The following EEFSEC variants were observed in gnomAD, a reference collection of about 807,000 sequenced individuals.
The protein encoded by EEFSEC is eukaryotic elongation factor, selenocysteine-tRNA specific.
EEFSEC carries 43 observed loss-of-function variants against 42.1 expected under a neutral mutation model. That is an observed-to-expected ratio of 1.02 (90% CI 0.80 to 1.32). The LOEUF (loss-of-function observed/expected upper bound fraction) is 1.32, where lower values mean the gene tolerates loss of function less well. Ranked by LOEUF, EEFSEC falls within the 40% of genes most tolerant of loss-of-function variation. The probability of loss-of-function intolerance (pLI) is 0.00; values close to 1 mark genes in which losing one functional copy is unlikely to be tolerated. For synonymous variants in EEFSEC, 354 were observed against 339.1 expected (o/e 1.04, Z -0.48); for missense variants, 745 against 803.6 (o/e 0.93, Z 0.88).
chr3:128,237,696 CTA>C (rs1019940739), intron 1 of EEFSEC, among the ~76,000 whole-genome samples: 2 of 152,202 alleles, frequency 1.3e-5, no homozygotes, highest in African/African-American at 4.8e-5. Context: ...TCCAACACCT[CTA>C]TTTGTCTGCT....
intron 6 of EEFSEC, among the ~76,000 whole-genome samples, chr3:128,392,635 G>C (rs1364574609): frequency 3.9e-5 from 6 of 152,220 alleles, no homozygotes; most frequent in Admixed American, 2.0e-4. Flanking sequence ...GCCCCACACA[G>C]AGCCAAACAA....
intron 4 of EEFSEC, among the ~76,000 whole-genome samples, chr3:128,279,955 G>A (rs916205913): frequency 3.3e-5 from 5 of 152,194 alleles, no homozygotes; most frequent in African/African-American, 4.8e-5. Flanking sequence ...TAAACCGTGC[G>A]ATACCACGTG....
intron 6 of EEFSEC, 46 bp downstream of exon 6, chr3:128,358,419 A>C (rs1208238483): frequency 6.2e-7 from 1 of 1,601,504 alleles, no homozygotes; most frequent in African/African-American, 1.3e-5. Flanking sequence ...CGTGCAGGGC[A>C]CAGAGAGATG....
At chr3:128,154,014 C>T in intron 1 of EEFSEC, 191 bp downstream of exon 1, 1 of 647,118 alleles carries the variant, frequency 1.5e-6, no homozygotes, top group African/African-American at 2.0e-5. Context: ...CTTTGAGATT[C>T]AGCTTTTCCC....
chr3:128,240,418 G>T (rs1008187998), intron 1 of EEFSEC, among the ~76,000 whole-genome samples: 1 of 152,192 alleles, frequency 6.6e-6, no homozygotes, highest in Non-Finnish European at 1.5e-5. Context: ...ACATATCCAA[G>T]CTTGGGGACC....
intron 1 of EEFSEC, among the ~76,000 whole-genome samples, chr3:128,175,102 C>T (rs770953846): frequency 2.6e-5 from 4 of 151,942 alleles, no homozygotes; most frequent in Non-Finnish European, 5.9e-5. Flanking sequence ...TCTCCTCCCC[C>T]TCTGCTCTAC....
At chr3:128,404,359 C>T (rs2068084651) in intron 6 of EEFSEC, among the ~76,000 whole-genome samples, 1 of 152,210 alleles carries the variant, frequency 6.6e-6, no homozygotes, top group Non-Finnish European at 1.5e-5. Flanking sequence ...ATAGACTTTC[C>T]GGCTCTGCCT....
intron 1 of EEFSEC, among the ~76,000 whole-genome samples, chr3:128,211,853 T>C (rs1320773918): frequency 4.8e-5 from 5 of 104,946 alleles, no homozygotes; most frequent in Admixed American, 9.4e-5. Flanking sequence ...CTTTTCTTTT[T>C]TTTTTTTTTT....
intron 4 of EEFSEC, among the ~76,000 whole-genome samples, chr3:128,328,857 G>A (rs2067093974): frequency 6.6e-6 from 1 of 152,134 alleles, no homozygotes; most frequent in Admixed American, 6.5e-5. Flanking sequence ...AAGAAATAGT[G>A]GCAGGTTGAA....
intron 5 of EEFSEC, 75 bp from the exon 6 acceptor site, chr3:128,358,142 G>A (rs1576668473): frequency 1.3e-6 from 2 of 1,558,130 alleles, no homozygotes; most frequent in South Asian, 2.4e-5. Flanking sequence ...GAGAGCTGGG[G>A]CTAGGCACAC....
intron 1 of EEFSEC, among the ~76,000 whole-genome samples, chr3:128,221,214 A>G (rs1361659252): frequency 6.6e-6 from 1 of 152,192 alleles, no homozygotes; most frequent in Non-Finnish European, 1.5e-5. Flanking sequence ...AAACACTAAG[A>G]GAAGAAAAAA....
chr3:128,253,567 T>C lies in EEFSEC; in HGVS notation c.524+6524T>C, dbSNP rs570665760. Among the ~76,000 whole-genome samples, 31 of 152,332 alleles carry C rather than the reference T, an allele frequency of 2.0e-4. 1 individual carries two copies. Among genetic ancestry groups the C allele is most frequent in the Non-Finnish European group, 2.5e-4 (17 of 68,030 alleles). ...GAAGTCTGAGTTCTTTTCCTGCCTT[T>C]CCCATTTTCTCTCCTGTGTTTCTTT... On this transcript the variant is annotated intron_variant, in intron 2 of 6. Coordinates refer to ENST00000254730, the MANE Select transcript of EEFSEC (RefSeq NM_021937.5).
chr3:128,408,458 C>T lies in EEFSEC; in HGVS notation c.*199C>T. On this transcript the variant is annotated 3_prime_UTR_variant, in exon 7 of 7. Transcript: ENST00000254730. ...GCTGGGGCCAGGAGGGTCTCTCCTC[C>T]AGCCCCTGCACACTCCCACCCAGGA... 1 of 528,802 alleles carries T rather than the reference C, an allele frequency of 1.9e-6. No homozygotes were observed. Among genetic ancestry groups the T allele is most frequent in the South Asian group, 3.2e-5 (1 of 31,568 alleles). 32.8% of individuals were successfully genotyped at this position (528,802 alleles called of 1,614,324 possible).
rs143365050 is a variant in EEFSEC, at chr3:128,229,251, G to A, written c.317-17585G>A. 7.2e-5 allele frequency among the ~76,000 whole-genome samples: 11 copies of A among 152,298 alleles called. No individual in the cohort carries two copies. In the East Asian group the frequency reaches 1.5e-3, roughly 21 times the overall value. Reference sequence around the variant, plus strand: ...GCCTCGGTCCAGAGTGTTGGGGAGCGAGTGTTTGGCAGCCTCTGCACGGCC... The same window carrying A: ...GCCTCGGTCCAGAGTGTTGGGGAGCAAGTGTTTGGCAGCCTCTGCACGGCC... On this transcript the variant is annotated intron_variant, in intron 1 of 6. Transcript: ENST00000254730.
intron 6 of EEFSEC, among the ~76,000 whole-genome samples, chr3:128,406,859 TATACATATATATAC>T (rs1413267069): frequency 6.6e-6 from 1 of 151,232 alleles, no homozygotes; most frequent in East Asian, 1.9e-4. Context: ...TACACATATA[TATACATATATATAC>T]ATACATATAT....
chr3:128,372,714 C>A (rs894278683), intron 6 of EEFSEC, among the ~76,000 whole-genome samples: 23 of 150,792 alleles, frequency 1.5e-4, no homozygotes, highest in Admixed American at 1.5e-3. Flanking sequence ...TCCTTCAGCA[C>A]CCCCTGAGGT....
At chr3:128,268,735 A>C (rs2107941041) in intron 4 of EEFSEC, among the ~76,000 whole-genome samples, 2 of 152,226 alleles carry the variant, frequency 1.3e-5, no homozygotes, top group Middle Eastern at 6.8e-3. Context: ...AGGGGTGCCC[A>C]TGGTTGCCGG....
chr3:128,212,220 C>A (rs527665938), intron 1 of EEFSEC, among the ~76,000 whole-genome samples: 3 of 152,296 alleles, frequency 2.0e-5, no homozygotes, highest in Admixed American at 1.3e-4. Flanking sequence ...AGTTTGGAAA[C>A]GTCTATGATT....
the EEFSEC span, among the ~76,000 whole-genome samples, chr3:128,423,898 A>G: frequency 3.9e-5 from 6 of 152,244 alleles, no homozygotes; most frequent in Non-Finnish European, 5.9e-5. Flanking sequence ...CCTGCAGCCA[A>G]TGCCTGGGGG....
Sources: allele counts gnomAD v4.1 joint callset (sites outside exome capture counted in the v4.1 genomes callset), GRCh38; gene constraint gnomAD v4.1.1; transcripts MANE v1.5; gene names NCBI Gene and HGNC (gene_info 2026-07-23, HGNC 2026-07-21).